The following MET variants were observed in gnomAD, a reference collection of about 807,000 sequenced individuals.
MET encodes the protein hepatocyte growth factor receptor.
In MET, 48 loss-of-function variants were observed where a neutral mutation model predicts 133.1. The ratio of observed to expected loss-of-function variants is 0.36; its 90% CI spans 0.29 to 0.46. The LOEUF (loss-of-function observed/expected upper bound fraction) is 0.46. Ranked by LOEUF, MET falls within the 20% of genes least tolerant of loss-of-function variation. The probability of loss-of-function intolerance (pLI) is 1.00; values close to 1 mark genes in which losing one functional copy is unlikely to be tolerated. For missense variants in MET, 1,442 were observed against 1,695.9 expected (o/e 0.85, Z 2.63); for synonymous variants, 628 against 616.5 (o/e 1.02, Z -0.28).
chr7:116,755,233 T>C, intron 5 of MET, 122 bp from the exon 6 acceptor site: 1 of 1,190,458 alleles, frequency 8.4e-7, no homozygotes, highest in South Asian at 1.5e-5. Flanking sequence ...TTTTACTAAA[T>C]TGTGGGAAAA....
At chr7:116,718,278 AT>A (rs1792324256) in intron 2 of MET, among the ~76,000 whole-genome samples, 1 of 152,052 alleles carries the variant, frequency 6.6e-6, no homozygotes, top group Admixed American at 6.5e-5. Context: ...AGTCTCAGCT[AT>A]TCAGGAGGCT....
chr7:116,766,826 G>C (rs1232959517), intron 11 of MET, among the ~76,000 whole-genome samples: 2 of 152,086 alleles, frequency 1.3e-5, no homozygotes, highest in African/African-American at 4.8e-5. Context: ...ATGGTACCTA[G>C]TAGTAAAGGT....
At chr7:116,677,641 T>C (rs1044216331) in intron 1 of MET, among the ~76,000 whole-genome samples, 10 of 152,258 alleles carry the variant, frequency 6.6e-5, no homozygotes, top group Non-Finnish European at 1.3e-4. Flanking sequence ...ATGGTCCCAA[T>C]TGCAGCAGCA....
intron 6 of MET, 39 bp from the exon 7 acceptor site, chr7:116,757,398 T>C (rs1794217655): frequency 6.5e-7 from 1 of 1,545,918 alleles, no homozygotes; most frequent in Admixed American, 1.7e-5. Context: ...GAAAATTCCT[T>C]GGATTTGTCA....
chr7:116,756,046 A>G (rs542011488), intron 6 of MET, among the ~76,000 whole-genome samples: 1 of 152,280 alleles, frequency 6.6e-6, no homozygotes, highest in South Asian at 2.1e-4. Flanking sequence ...ATCTCACTGA[A>G]CCATCCCCAC....
chr7:116,754,953 G>A (rs1328693429), intron 5 of MET, among the ~76,000 whole-genome samples: 1 of 105,498 alleles, frequency 9.5e-6, no homozygotes, highest in Admixed American at 1.0e-4. Flanking sequence ...GAAAGAAAGA[G>A]AAAGAAAGAG....
intron 5 of MET, among the ~76,000 whole-genome samples, chr7:116,752,104 G>GACA (rs1388616839): frequency 3.9e-5 from 6 of 152,024 alleles, no homozygotes; most frequent in Non-Finnish European, 8.8e-5. Flanking sequence ...ACCCCAGTGA[G>GACA]ACAACAGAAC....
chr7:116,763,350 C>G, intron 11 of MET, 82 bp downstream of exon 11: 1 of 1,270,206 alleles, frequency 7.9e-7, no homozygotes, highest in Non-Finnish European at 1.1e-6. Context: ...AATTGTTGTA[C>G]TTGGCCATTG....
At chr7:116,755,551 G>A (rs2116911629) in intron 6 of MET, 36 bp downstream of exon 6, 1 of 1,613,124 alleles carries the variant, frequency 6.2e-7, no homozygotes, top group Non-Finnish European at 8.5e-7. Context: ...GGGTGTGCTT[G>A]GAAAATAGGT....
Position 116,722,169 on chromosome 7 carries a change from C to T in MET, c.1201-9499C>T, listed in dbSNP as rs1013155391. On this transcript the variant is annotated intron_variant, in intron 2 of 20. Coordinates refer to ENST00000397752, the MANE Select transcript of MET (RefSeq NM_000245.4). ...ACTTGCTTTATGAATCTGGGTACTCCTGTATTGGGTGCATATATATTTAGG... is the reference window on the plus strand; with the variant it reads ...ACTTGCTTTATGAATCTGGGTACTCTTGTATTGGGTGCATATATATTTAGG... 8.6e-5 allele frequency among the ~76,000 whole-genome samples: 13 copies of T among 151,936 alleles called. No homozygotes were observed. In the East Asian group the frequency reaches 2.5e-3, roughly 29 times the overall value.
intron 5 of MET, among the ~76,000 whole-genome samples, chr7:116,749,329 A>G (rs978606456): frequency 1.3e-5 from 2 of 152,214 alleles, no homozygotes; most frequent in Admixed American, 1.3e-4. Context: ...AACATAATCC[A>G]TCACATAAAC....
chr7:116,768,620 A>T (rs150047937), intron 11 of MET, among the ~76,000 whole-genome samples: 320 of 152,338 alleles, frequency 2.1e-3, no homozygotes, highest in African/African-American at 7.1e-3. Context: ...ATCTATTGAG[A>T]TCCGTATGAG....
In MET at chr7:116,731,803, A is replaced by G. The variant is rs779022887; in HGVS notation, c.1336A>G (p.Ile446Val). Residue 446 changes from isoleucine to valine, a missense_variant, in exon 3 of 21, where the codon ATT (isoleucine) becomes GTT (valine). Ile to Val is a conservative substitution (Grantham distance 29). Coordinates refer to ENST00000397752, the MANE Select transcript of MET (RefSeq NM_000245.4). ...EVLLTSISTF[I>V]KGDLTIANLG... is the part of the protein sequence containing the mutation. Reference sequence around the variant, plus strand: ...CCTCTTAACATCTATATCCACCTTCATTAAAGGAGACCTCACCATAGCTAA... The same window carrying G: ...CCTCTTAACATCTATATCCACCTTCGTTAAAGGAGACCTCACCATAGCTAA... 5.0e-5 allele frequency: 81 copies of G among 1,614,028 alleles called. No homozygotes were observed. Among genetic ancestry groups the G allele is most frequent in the Non-Finnish European group, 5.8e-5 (68 of 1,179,996 alleles).
At chr7:116,681,388 T>C (rs1242252663) in intron 1 of MET, among the ~76,000 whole-genome samples, 2 of 152,210 alleles carry the variant, frequency 1.3e-5, no homozygotes, top group Non-Finnish European at 2.9e-5. Context: ...CATTATAATC[T>C]ATAAATTCCT....
chr7:116,716,277 G>A (rs1437839721), intron 2 of MET, among the ~76,000 whole-genome samples: 1 of 101,516 alleles, frequency 9.9e-6, no homozygotes, highest in Non-Finnish European at 2.0e-5. Context: ...GGGAAGGAGG[G>A]AGAGAGGGAG....
intron 15 of MET, 128 bp from the exon 16 acceptor site, chr7:116,777,261 T>A: frequency 2.4e-6 from 2 of 817,394 alleles, no homozygotes; most frequent in Non-Finnish European, 4.1e-6. Context: ...TTAAAAGTAT[T>A]TTTTAAATGT....
At chr7:116,734,083 ATC>A (rs1793122348) in intron 3 of MET, among the ~76,000 whole-genome samples, 1 of 152,214 alleles carries the variant, frequency 6.6e-6, no homozygotes, top group African/African-American at 2.4e-5. Flanking sequence ...TCCCACTTTA[ATC>A]TGTCAGAGCA....
In MET at chr7:116,763,218, G is replaced by A. The variant is rs1794470895; in HGVS notation, c.2533G>A (p.Glu845Lys). 6.2e-7 allele frequency: 1 copy of A among 1,613,954 alleles called. No homozygotes were observed. The highest frequency in any genetic ancestry group is 8.5e-7 in the Non-Finnish European group (1 of 1,179,964). Residue 845 changes from glutamate (E) to lysine (K), a missense_variant, in exon 11 of 21, where the codon GAA becomes AAA. Physicochemically the swap from Glu to Lys is moderately conservative, Grantham distance 56. Transcript: ENST00000397752. ...ACATAATCCTGTGTTTAAGCCTTTT[G>A]AAAAGCCAGTGATGATCTCAATGGG... Reference protein sequence around the residue: ...YVHNPVFKPFEKPVMISMGNE... With the variant: ...YVHNPVFKPFKKPVMISMGNE...
At chr7:116,749,370 G>A (rs1008226325) in intron 5 of MET, among the ~76,000 whole-genome samples, 1 of 152,074 alleles carries the variant, frequency 6.6e-6, no homozygotes. Context: ...CACGATTATT[G>A]CAATAGATGC....
Sources: allele counts gnomAD v4.1 joint callset (sites outside exome capture counted in the v4.1 genomes callset), GRCh38; gene constraint gnomAD v4.1.1; transcripts MANE v1.5; gene names NCBI Gene and HGNC (gene_info 2026-07-23, HGNC 2026-07-21).